The following TMPRSS15 variants were observed in gnomAD, a reference collection of about 807,000 sequenced individuals.
TMPRSS15 encodes transmembrane serine protease 15.
Under a neutral mutation model 125.3 loss-of-function variants are expected in TMPRSS15, and 128 were observed. The ratio of observed to expected loss-of-function variants is 1.02; its 90% CI spans 0.89 to 1.18. TMPRSS15 has a LOEUF of 1.18. Among genes scored for constraint, TMPRSS15 ranks in the 50% most tolerant of loss-of-function variants. The probability of loss-of-function intolerance (pLI) is 0.00; values close to 1 mark genes in which losing one functional copy is unlikely to be tolerated. For synonymous variants in TMPRSS15, 446 were observed against 423.2 expected (o/e 1.05, Z -0.66); for missense variants, 1,283 against 1,212.7 (o/e 1.06, Z -0.86).
At chr21:18,424,403 A>G (rs559888997) in intron 1 of TMPRSS15, among the ~76,000 whole-genome samples, 49 of 152,318 alleles carry the variant, frequency 3.2e-4, no homozygotes, top group Non-Finnish European at 6.3e-4. Context: ...CCTTTTTGCA[A>G]CACTCTTGTT....
intron 18 of TMPRSS15, among the ~76,000 whole-genome samples, chr21:18,308,136 C>T (rs2075056547): frequency 6.6e-6 from 1 of 152,132 alleles, no homozygotes; most frequent in Non-Finnish European, 1.5e-5. Context: ...AGGACCTCAC[C>T]TCTTTGAATT....
At chr21:18,347,031 C>CAA (rs575311234) in intron 10 of TMPRSS15, among the ~76,000 whole-genome samples, 243 of 152,232 alleles carry the variant, frequency 1.6e-3, no homozygotes, top group Non-Finnish European at 2.9e-3. Context: ...AATTTTTTGA[C>CAA]ACTTTGTGTC....
rs370419721 is a variant in TMPRSS15, at chr21:18,332,218, T to C, written c.1565-45A>G. ...GAAATCATCAGTAATACAATGTTTA[T>C]TTCAGAGAGATAATACCATATGCCA... is the stretch of plus-strand genomic sequence containing the variant. On this transcript the variant is annotated intron_variant, in intron 13 of 24. Coordinates refer to ENST00000284885, the MANE Select transcript of TMPRSS15 (RefSeq NM_002772.3). The C allele has an allele frequency of 1.8e-5, 28 of 1,515,956 alleles. 1 individual carries two copies. The South Asian group carries it at 3.1e-4, about 17-fold the overall frequency. 93.9% of individuals were successfully genotyped at this position (1,515,956 alleles called of 1,614,324 possible). A position where few individuals can be genotyped will look rare whatever the true frequency, so the allele number is the denominator to read the frequency against.
Position 18,312,938 on chromosome 21 carries a change from T to C in TMPRSS15, c.2165+7A>G, listed in dbSNP as rs2075116610. The C allele has an allele frequency of 6.2e-7, 1 of 1,613,482 alleles. No individual in the cohort carries two copies. Among genetic ancestry groups the C allele is most frequent in the Non-Finnish European group, 8.5e-7 (1 of 1,179,588 alleles). On this transcript the variant is annotated splice_region_variant and intron_variant, in intron 18 of 24. Coordinates refer to ENST00000284885, the MANE Select transcript of TMPRSS15 (RefSeq NM_002772.3). ...CTCTTAAAAAGGAACTCAGTAGAAT[T>C]ACTTACCCTAGTCCCAGCAGTTGAC... is the stretch of plus-strand genomic sequence containing the variant.
intron 7 of TMPRSS15, among the ~76,000 whole-genome samples, chr21:18,362,488 G>A (rs909224870): frequency 6.6e-6 from 1 of 152,114 alleles, no homozygotes; most frequent in African/African-American, 2.4e-5. Flanking sequence ...AAAAAGTGCA[G>A]ACGATTTTCC....
Position 18,275,267 on chromosome 21 carries a change from A to G in TMPRSS15, c.2834T>C (p.Met945Thr). Reference protein sequence around the residue: ...LLSNERCQQQMPEYNITENMI... With the variant: ...LLSNERCQQQTPEYNITENMI... ...ATTTTCAGTAATGTTATATTCTGGC[A>G]TCTGCTGTTGGCATCTCTCATTTGA... The change falls in exon 24 of 25, where the codon ATG becomes ACG. Residue 945 changes from methionine to threonine, a missense_variant. Physicochemically the swap from Met to Thr is moderately conservative, Grantham distance 81. Transcript: ENST00000284885. 6.2e-7 allele frequency: 1 copy of G among 1,614,076 alleles called. No homozygotes were observed. Among genetic ancestry groups the G allele is most frequent in the Non-Finnish European group, 8.5e-7 (1 of 1,179,970 alleles).
chr21:18,461,810 G>A (rs2122952796), intron 1 of TMPRSS15, among the ~76,000 whole-genome samples: 6 of 151,886 alleles, frequency 4.0e-5, no homozygotes, highest in African/African-American at 7.3e-5. Context: ...AGTTATCAAC[G>A]ATCTTTGGAT....
At chr21:18,412,886 C>T (rs984366784) in intron 1 of TMPRSS15, among the ~76,000 whole-genome samples, 5 of 152,114 alleles carry the variant, frequency 3.3e-5, no homozygotes, top group Admixed American at 1.3e-4. Context: ...GGGAATTAAA[C>T]GGCATAATAA....
chr21:18,438,418 T>C (rs1337634911), intron 1 of TMPRSS15, among the ~76,000 whole-genome samples: 3 of 152,004 alleles, frequency 2.0e-5, no homozygotes, highest in Non-Finnish European at 4.4e-5. Context: ...ATGGCACATG[T>C]ATACATATGT....
At chr21:18,390,315 A>G (rs1434079865) in intron 3 of TMPRSS15, among the ~76,000 whole-genome samples, 1 of 152,210 alleles carries the variant, frequency 6.6e-6, no homozygotes, top group African/African-American at 2.4e-5. Flanking sequence ...AATTATTTTT[A>G]TAGCCATAGG....
At chr21:18,435,231 A>T (rs542103117) in intron 1 of TMPRSS15, among the ~76,000 whole-genome samples, 1 of 152,136 alleles carries the variant, frequency 6.6e-6, no homozygotes, top group Non-Finnish European at 1.5e-5. Flanking sequence ...GAATGCTTCC[A>T]GTTTTTGCCC....
At chr21:18,302,496 ACCTAGC>A (rs2074983919) in intron 18 of TMPRSS15, among the ~76,000 whole-genome samples, 1 of 152,232 alleles carries the variant, frequency 6.6e-6, no homozygotes, top group Non-Finnish European at 1.5e-5. Context: ...CCTAGCACAC[ACCTAGC>A]CCAGTGATAG....
intron 1 of TMPRSS15, among the ~76,000 whole-genome samples, chr21:18,442,160 T>C (rs1039181339): frequency 6.6e-6 from 1 of 152,242 alleles, no homozygotes; most frequent in Non-Finnish European, 1.5e-5. Context: ...CATCAATGAA[T>C]TGTTTTTTCT....
Position 18,275,333 on chromosome 21 carries a change from G to T in TMPRSS15, c.2768C>A (p.Thr923Asn). The change falls in exon 24 of 25, where the codon ACT (threonine) becomes AAT (asparagine). Residue 923 changes from threonine to asparagine, a missense_variant. Physicochemically the swap from Thr to Asn is moderately conservative, Grantham distance 65 (BLOSUM62 0). Coordinates refer to ENST00000284885, the MANE Select transcript of TMPRSS15 (RefSeq NM_002772.3). ...AGWGTVVYQGTTANILQEADV... is the reference protein window; with the variant it reads ...AGWGTVVYQGNTANILQEADV... ...AGCTTCTTGCAATATGTTTGCAGTAGTACCTGCTCAAAATGGAGAATGCAG... is the reference window on the plus strand; with the variant it reads ...AGCTTCTTGCAATATGTTTGCAGTATTACCTGCTCAAAATGGAGAATGCAG... The T allele has an allele frequency of 6.2e-7, 1 of 1,613,842 alleles. No homozygotes were observed. The highest frequency in any genetic ancestry group is 8.5e-7 in the Non-Finnish European group (1 of 1,179,972).
At position 18,397,878 on chromosome 21, in the gene TMPRSS15, C is replaced by T. The variant is rs893800197; in HGVS notation, c.344+1G>A. 6 of 1,534,054 alleles carry T rather than the reference C, an allele frequency of 3.9e-6. No individual in the cohort carries two copies. The highest frequency in any genetic ancestry group is 5.3e-6 in the Non-Finnish European group (6 of 1,123,396). ...GTAGAAAATTTTTGAGCTATACTCA[C>T]TCAAATTGTAAAACTCTTGAGTTCT... On this transcript the variant is annotated splice_donor_variant, in intron 3 of 24. Coordinates refer to ENST00000284885, the MANE Select transcript of TMPRSS15 (RefSeq NM_002772.3). LOFTEE classifies it high-confidence loss of function.
intron 1 of TMPRSS15, among the ~76,000 whole-genome samples, chr21:18,470,003 A>AT (rs1159262966): frequency 6.6e-6 from 1 of 152,082 alleles, no homozygotes; most frequent in Non-Finnish European, 1.5e-5. Context: ...TCCTAAATAT[A>AT]TTTTGCATTG....
intron 21 of TMPRSS15, among the ~76,000 whole-genome samples, chr21:18,283,240 ACTT>A (rs768329940): frequency 1.0e-3 from 159 of 152,162 alleles, no homozygotes; most frequent in Non-Finnish European, 1.9e-3. Context: ...CTGTTTCTGA[ACTT>A]CTTTCTCTAT....
At chr21:18,431,594 T>C (rs1374893801) in intron 1 of TMPRSS15, among the ~76,000 whole-genome samples, 1 of 152,148 alleles carries the variant, frequency 6.6e-6, no homozygotes, top group Non-Finnish European at 1.5e-5. Flanking sequence ...TTTCCTTCTT[T>C]TCTCCAATAA....
intron 17 of TMPRSS15, 50 bp downstream of exon 17, chr21:18,315,096 A>T: frequency 7.0e-7 from 1 of 1,438,756 alleles, no homozygotes; most frequent in Non-Finnish European, 9.7e-7. Context: ...TGTAGAGTCC[A>T]AATGCAGAGG....
Sources: allele counts gnomAD v4.1 joint callset (sites outside exome capture counted in the v4.1 genomes callset), GRCh38; gene constraint gnomAD v4.1.1; transcripts MANE v1.5; gene names NCBI Gene and HGNC (gene_info 2026-07-23, HGNC 2026-07-21).